The following CACNA1E variants were observed in gnomAD, a reference collection of about 807,000 sequenced individuals.
The protein encoded by CACNA1E is voltage-dependent R-type calcium channel subunit alpha-1E.
CACNA1E carries 40 observed loss-of-function variants against 259.2 expected under a neutral mutation model. The observed-to-expected ratio is 0.15, with a 90% CI of 0.12 to 0.20. CACNA1E has a LOEUF of 0.20. CACNA1E is among the 10% of genes least tolerant of loss of function. The pLI is 1.00. For synonymous variants in CACNA1E, 1,104 were observed against 1,138.5 expected (o/e 0.97, Z 0.61); for missense variants, 1,874 against 3,040.1 (o/e 0.62, Z 9.02).
intron 2 of CACNA1E, among the ~76,000 whole-genome samples, chr1:181,458,831 A>G (rs1055044481): frequency 4.8e-5 from 3 of 62,976 alleles, no homozygotes; most frequent in East Asian, 2.8e-4. Context: ...TTACCCATCC[A>G]TCCATCCATC....
At chr1:181,576,452 T>G (rs1352249282) in intron 3 of CACNA1E, among the ~76,000 whole-genome samples, 1 of 152,248 alleles carries the variant, frequency 6.6e-6, no homozygotes, top group Non-Finnish European at 1.5e-5. Context: ...TACCTAATGA[T>G]TGTATATCTG....
intron 3 of CACNA1E, among the ~76,000 whole-genome samples, chr1:181,542,648 A>G (rs905115807): frequency 9.2e-5 from 14 of 151,962 alleles, no homozygotes; most frequent in Admixed American, 2.0e-4. Flanking sequence ...CCCCTTTGCC[A>G]TGATTCTAAG....
intron 27 of CACNA1E, among the ~76,000 whole-genome samples, chr1:181,754,054 A>G (rs1051613548): frequency 3.9e-5 from 6 of 152,188 alleles, no homozygotes; most frequent in Non-Finnish European, 7.4e-5. Context: ...ATAAATGCTC[A>G]TTGGGTTCTG....
chr1:181,580,913 A>G lies in CACNA1E; in HGVS notation c.951+137A>G, dbSNP rs537095962. 4 of 705,584 alleles carry G rather than the reference A, an allele frequency of 5.7e-6. No individual in the cohort carries two copies. The East Asian group carries it at 1.1e-4, about 19-fold the overall frequency. The allele number at this position is 705,584 out of a possible 1,614,324, so 43.7% of individuals were successfully genotyped here. A position where few individuals can be genotyped will look rare whatever the true frequency, so the allele number is the denominator to read the frequency against. ...GTATTGGGATGGGAGGTGAAGACTC[A>G]ACTGGGATAAGCCTTAGCAGTTCAT... On this transcript the variant is annotated intron_variant, in intron 6 of 47. Transcript: ENST00000367573.
At chr1:181,676,971 T>C (rs1212984603) in intron 7 of CACNA1E, among the ~76,000 whole-genome samples, 1 of 152,222 alleles carries the variant, frequency 6.6e-6, no homozygotes, top group Non-Finnish European at 1.5e-5. Context: ...CCTTTGCTCA[T>C]TCCTCCTGAA....
At chr1:181,606,804 A>C (rs924886462) in intron 6 of CACNA1E, among the ~76,000 whole-genome samples, 4 of 152,186 alleles carry the variant, frequency 2.6e-5, no homozygotes, top group Admixed American at 6.5e-5. Flanking sequence ...ACCTTTGGAC[A>C]TGCTGTCCTG....
At chr1:181,751,483 G>A (rs552464484) in intron 26 of CACNA1E, among the ~76,000 whole-genome samples, 4 of 152,322 alleles carry the variant, frequency 2.6e-5, no homozygotes, top group African/African-American at 7.2e-5. Context: ...ACTGGGGTGT[G>A]AGCCAAGGTC....
At chr1:181,412,472 A>G (rs1200480865) in intron 1 of CACNA1E, among the ~76,000 whole-genome samples, 1 of 152,116 alleles carries the variant, frequency 6.6e-6, no homozygotes, top group Non-Finnish European at 1.5e-5. Flanking sequence ...CAGGAGGCTG[A>G]GACGGGAGGA....
intron 38 of CACNA1E, among the ~76,000 whole-genome samples, chr1:181,780,808 A>G (rs1454706222): frequency 6.6e-6 from 1 of 152,158 alleles, no homozygotes; most frequent in Non-Finnish European, 1.5e-5. Flanking sequence ...CAACTCTTTG[A>G]GCAGCAAGCA....
intron 37 of CACNA1E, among the ~76,000 whole-genome samples, chr1:181,774,848 T>C (rs1407230273): frequency 6.6e-6 from 1 of 152,178 alleles, no homozygotes; most frequent in Non-Finnish European, 1.5e-5. Flanking sequence ...CCAGTTGTTA[T>C]CTATCAGGCA....
At chr1:181,703,642 C>G (rs1652498052) in intron 7 of CACNA1E, among the ~76,000 whole-genome samples, 1 of 152,178 alleles carries the variant, frequency 6.6e-6, no homozygotes, top group Admixed American at 6.5e-5. Context: ...CCCTGAGCTC[C>G]TAAAAGAATA....
intron 36 of CACNA1E, 135 bp from the exon 37 acceptor site, chr1:181,771,931 A>G: frequency 1.4e-6 from 1 of 734,780 alleles, no homozygotes; most frequent in Non-Finnish European, 2.2e-6. Context: ...AAAGCACTAG[A>G]AGGGGTCAAC....
At chr1:181,615,898 A>G (rs1030082169) in intron 6 of CACNA1E, among the ~76,000 whole-genome samples, 5 of 152,218 alleles carry the variant, frequency 3.3e-5, no homozygotes, top group African/African-American at 9.6e-5. Flanking sequence ...TTTTAGGACT[A>G]AGAAAGTTTC....
At chr1:181,524,721 G>T (rs945491149) in intron 3 of CACNA1E, among the ~76,000 whole-genome samples, 4 of 152,186 alleles carry the variant, frequency 2.6e-5, no homozygotes, top group Non-Finnish European at 5.9e-5. Flanking sequence ...AAATGTATTG[G>T]TATAGAACTG....
chr1:181,414,001 A>T (rs1205447628), intron 2 of CACNA1E, among the ~76,000 whole-genome samples: 1 of 152,228 alleles, frequency 6.6e-6, no homozygotes, highest in Non-Finnish European at 1.5e-5. Context: ...TCCTCCTTGG[A>T]TGAATGATTA....
chr1:181,602,848 T>C (rs375147054), intron 6 of CACNA1E, among the ~76,000 whole-genome samples: 1 of 152,174 alleles, frequency 6.6e-6, no homozygotes, highest in East Asian at 1.9e-4. Flanking sequence ...AAAGAGCTCA[T>C]TGAGGTTGTA....
At chr1:181,397,220 A>G (rs1448936762) in intron 1 of CACNA1E, among the ~76,000 whole-genome samples, 1 of 152,224 alleles carries the variant, frequency 6.6e-6, no homozygotes, top group Non-Finnish European at 1.5e-5. Flanking sequence ...TGCTCCCAGC[A>G]GGCCTCACAT....
chr1:181,551,433 C>A (rs1191808581), intron 3 of CACNA1E, among the ~76,000 whole-genome samples: 1 of 152,194 alleles, frequency 6.6e-6, no homozygotes, highest in Non-Finnish European at 1.5e-5. Context: ...GGAGCCCAGG[C>A]TGCTGAAGCT....
chr1:181,599,871 C>T (rs368610397), intron 6 of CACNA1E, among the ~76,000 whole-genome samples: 13 of 151,976 alleles, frequency 8.6e-5, no homozygotes, highest in African/African-American at 2.9e-4. Flanking sequence ...TGTTGAGCAC[C>T]GATTATAGCT....
Sources: gnomAD v4.1 joint callset for allele counts (sites outside exome capture counted in the v4.1 genomes callset) on GRCh38, gnomAD v4.1.1 for gene constraint, MANE v1.5 for transcripts, NCBI Gene and HGNC (gene_info 2026-07-23, HGNC 2026-07-21) for gene names.